The following CNBD1 variants were observed in gnomAD, a reference collection of about 807,000 sequenced individuals.
CNBD1 encodes cyclic nucleotide-binding domain-containing protein 1.
A neutral mutation model predicts 54.4 loss-of-function variants in CNBD1; 71 were observed. The ratio of observed to expected loss-of-function variants is 1.30; its 90% CI spans 1.08 to 1.59. The LOEUF is 1.59. Ranked by LOEUF, CNBD1 falls within the 40% of genes most tolerant of loss-of-function variation. The pLI, the probability that CNBD1 is intolerant of heterozygous loss-of-function variation, is 0.00. For missense variants in CNBD1, 659 were observed against 518.0 expected, an observed-to-expected ratio of 1.27 and a Z score of -2.64; for synonymous variants, 182 against 170.7, an observed-to-expected ratio of 1.07 and a Z score of -0.51.
intron 4 of CNBD1, among the ~76,000 whole-genome samples, chr8:87,036,544 A>C (rs1375593627): frequency 1.4e-5 from 2 of 140,596 alleles, no homozygotes; most frequent in African/African-American, 5.3e-5. Context: ...CAGTGAGCAG[A>C]GATTGTGCCA....
At chr8:87,354,239 G>T (rs962036484) in intron 10 of CNBD1, among the ~76,000 whole-genome samples, 4 of 150,934 alleles carry the variant, frequency 2.7e-5, no homozygotes, top group African/African-American at 7.3e-5. Flanking sequence ...AATAATAATA[G>T]CAATAATAAT....
At chr8:86,970,424 T>C (rs1808192905) in intron 4 of CNBD1, among the ~76,000 whole-genome samples, 1 of 152,222 alleles carries the variant, frequency 6.6e-6, no homozygotes, top group African/African-American at 2.4e-5. Context: ...CTAGGACTTA[T>C]CTGGTGTGTT....
chr8:87,382,654 A>T lies in CNBD1; in HGVS notation c.*27A>T. 2.7e-6 allele frequency: 4 copies of T among 1,500,450 alleles called. No individual in the cohort carries two copies. The highest frequency in any genetic ancestry group is 3.6e-6 in the Non-Finnish European group (4 of 1,104,222). The allele number at this position is 1,500,450 out of a possible 1,614,324, so 92.9% of individuals were successfully genotyped here. A position where few individuals can be genotyped will look rare whatever the true frequency, so the allele number is the denominator to read the frequency against. Reference sequence around the variant, plus strand: ...TCTAGAAACAACCTCAGTGAACATTAATTAAGAAAGTATTGACTAAATAAT... The same window carrying T: ...TCTAGAAACAACCTCAGTGAACATTTATTAAGAAAGTATTGACTAAATAAT... On this transcript the variant is annotated 3_prime_UTR_variant, in exon 11 of 11. Transcript: ENST00000518476.
intron 2 of CNBD1, among the ~76,000 whole-genome samples, chr8:86,890,994 C>A (rs1414863248): frequency 1.3e-5 from 2 of 150,646 alleles, no homozygotes; most frequent in Non-Finnish European, 3.0e-5. Flanking sequence ...GATATTAATT[C>A]CTTATTTGAT....
At chr8:86,976,045 CA>C (rs766301222) in intron 4 of CNBD1, among the ~76,000 whole-genome samples, 2 of 151,800 alleles carry the variant, frequency 1.3e-5, no homozygotes, top group Non-Finnish European at 2.9e-5. Context: ...ATGTCTATCC[CA>C]GTCCTTTGCC....
intron 10 of CNBD1, among the ~76,000 whole-genome samples, chr8:87,366,666 T>C (rs1214223933): frequency 6.6e-6 from 1 of 152,050 alleles, no homozygotes; most frequent in East Asian, 1.9e-4. Flanking sequence ...TGGGGGCCAC[T>C]TTAGAACTCT....
At chr8:87,313,948 T>G (rs1466213476) in intron 8 of CNBD1, among the ~76,000 whole-genome samples, 2 of 151,974 alleles carry the variant, frequency 1.3e-5, no homozygotes, top group African/African-American at 4.8e-5. Flanking sequence ...TGTTTTTACC[T>G]TGTGTGTTCA....
chr8:87,179,759 A>G (rs1586310963), intron 4 of CNBD1, among the ~76,000 whole-genome samples: 1 of 152,344 alleles, frequency 6.6e-6, no homozygotes. Flanking sequence ...ATTGCAACAT[A>G]TAGGCTAAAA....
intron 4 of CNBD1, among the ~76,000 whole-genome samples, chr8:87,107,941 A>G (rs1002674464): frequency 2.0e-5 from 3 of 152,316 alleles, no homozygotes; most frequent in South Asian, 4.1e-4. Flanking sequence ...ATGTGTATCT[A>G]TCTCTTCAAA....
intron 3 of CNBD1, among the ~76,000 whole-genome samples, chr8:86,928,650 C>T (rs1341861546): frequency 6.6e-6 from 1 of 152,200 alleles, no homozygotes; most frequent in Non-Finnish European, 1.5e-5. Context: ...GTATTGAAAT[C>T]CCCTTGACTT....
chr8:86,963,683 C>A (rs538637877), intron 4 of CNBD1, among the ~76,000 whole-genome samples: 2 of 152,136 alleles, frequency 1.3e-5, no homozygotes, highest in Non-Finnish European at 2.9e-5. Flanking sequence ...ATGCCCTTCA[C>A]GGTCATGCTA....
chr8:87,069,083 G>C (rs192849075), intron 4 of CNBD1, among the ~76,000 whole-genome samples: 1 of 152,132 alleles, frequency 6.6e-6, no homozygotes, highest in African/African-American at 2.4e-5. Flanking sequence ...TGCTAATTTG[G>C]TGCTAAGATG....
chr8:87,067,636 T>C lies in CNBD1; in HGVS notation c.431+127882T>C, dbSNP rs185897248. On this transcript the variant is annotated intron_variant, in intron 4 of 10. Coordinates refer to ENST00000518476, the MANE Select transcript of CNBD1 (RefSeq NM_173538.3). ...TTTTCACCATTTTCCAGTGTAAGTA[T>C]AAGCATTTCTTTTAGAGATTTTAGA... 3.6e-3 allele frequency among the ~76,000 whole-genome samples: 549 copies of C among 152,130 alleles called. 5 individuals are homozygous for C. Among genetic ancestry groups the C allele is most frequent in the Middle Eastern group, 0.027 (8 of 294 alleles).
intron 4 of CNBD1, among the ~76,000 whole-genome samples, chr8:87,181,550 T>G (rs1813312769): frequency 6.6e-6 from 1 of 152,218 alleles, no homozygotes; most frequent in Non-Finnish European, 1.5e-5. Context: ...CCAAATAGTC[T>G]GTAAAGCTGT....
intron 4 of CNBD1, among the ~76,000 whole-genome samples, chr8:87,094,342 G>A (rs1811275883): frequency 6.6e-6 from 1 of 151,716 alleles, no homozygotes; most frequent in Admixed American, 6.6e-5. Flanking sequence ...GCTCTTCTGT[G>A]AAGCTCTTCT....
At chr8:87,064,415 C>T (rs1319800527) in intron 4 of CNBD1, among the ~76,000 whole-genome samples, 1 of 151,742 alleles carries the variant, frequency 6.6e-6, no homozygotes, top group African/African-American at 2.4e-5. Context: ...AAGTATAATG[C>T]GAATTGATAC....
chr8:86,872,064 A>G (rs1158325902), intron 1 of CNBD1, among the ~76,000 whole-genome samples: 1 of 152,352 alleles, frequency 6.6e-6, no homozygotes, highest in Admixed American at 6.5e-5. Context: ...CAAGTCATCA[A>G]TCCAAGATCA....
chr8:87,121,916 T>A (rs1189924084), intron 4 of CNBD1, among the ~76,000 whole-genome samples: 1 of 151,522 alleles, frequency 6.6e-6, no homozygotes, highest in Admixed American at 6.6e-5. Context: ...ATATGACATA[T>A]AATTTATTGT....
intron 8 of CNBD1, among the ~76,000 whole-genome samples, chr8:87,336,178 G>T (rs1297385849): frequency 6.6e-6 from 1 of 151,880 alleles, no homozygotes; most frequent in Non-Finnish European, 1.5e-5. Context: ...TGTGTCTTGG[G>T]GTTGATCTTC....
Sources: allele counts gnomAD v4.1 joint callset (sites outside exome capture counted in the v4.1 genomes callset), GRCh38; gene constraint gnomAD v4.1.1; transcripts MANE v1.5; gene names NCBI Gene and HGNC (gene_info 2026-07-23, HGNC 2026-07-21).